AHCYL2: variants seen among roughly 807,000 people sequenced by gnomAD.
AHCYL2 encodes the protein adenosylhomocysteinase like 2.
AHCYL2 carries 28 observed loss-of-function variants against 81.4 expected under a neutral mutation model. The ratio of observed to expected loss-of-function variants is 0.34; its 90% confidence interval spans 0.25 to 0.47. The LOEUF is 0.47. Ranked by LOEUF, AHCYL2 falls within the 20% of genes least tolerant of loss-of-function variation. AHCYL2 has a pLI of 1.00. For missense variants in AHCYL2, 551 were observed against 785.1 expected, an observed-to-expected ratio of 0.70 and a Z score of 3.56; for synonymous variants, 272 against 290.2, an observed-to-expected ratio of 0.94 and a Z score of 0.64.
At chr7:129,324,020 G>A (rs538094939) in intron 1 of AHCYL2, among the ~76,000 whole-genome samples, 7 of 151,476 alleles carry the variant, frequency 4.6e-5, no homozygotes, top group South Asian at 2.1e-4. Context: ...ACAGGCACCC[G>A]CCATTGTGCC....
intron 1 of AHCYL2, among the ~76,000 whole-genome samples, chr7:129,261,279 A>G (rs1321090249): frequency 2.0e-5 from 3 of 152,206 alleles, no homozygotes; most frequent in African/African-American, 7.2e-5. Flanking sequence ...GGTTTAGATC[A>G]CCAGAAAATT....
At chr7:129,293,434 G>A (rs1010065442) in intron 1 of AHCYL2, among the ~76,000 whole-genome samples, 6 of 152,012 alleles carry the variant, frequency 3.9e-5, no homozygotes, top group Non-Finnish European at 8.8e-5. Flanking sequence ...GGCTGGACGC[G>A]GGAGGCCAAG....
At chr7:129,405,513 A>G (rs552644613) in intron 8 of AHCYL2, 45 of 323,842 alleles carry the variant, frequency 1.4e-4, no homozygotes, top group East Asian at 2.5e-4. Context: ...AAGAAAGGGG[A>G]AAAAAAAAGG....
At chr7:129,289,988 G>T (rs1796778757) in intron 1 of AHCYL2, among the ~76,000 whole-genome samples, 1 of 151,746 alleles carries the variant, frequency 6.6e-6, no homozygotes, top group Non-Finnish European at 1.5e-5. Context: ...CTCCATGTTG[G>T]TCAGGCTGGT....
intron 1 of AHCYL2, among the ~76,000 whole-genome samples, chr7:129,308,672 T>A (rs1209878291): frequency 6.6e-6 from 1 of 152,218 alleles, no homozygotes; most frequent in Non-Finnish European, 1.5e-5. Context: ...AGGAGAAGAT[T>A]CTTTATGTTC....
chr7:129,307,788 A>C (rs754927628), intron 1 of AHCYL2, among the ~76,000 whole-genome samples: 4 of 150,878 alleles, frequency 2.7e-5, no homozygotes, highest in South Asian at 2.1e-4. Flanking sequence ...GCCGCTGCTG[A>C]TTATTTAGAG....
intron 12 of AHCYL2, among the ~76,000 whole-genome samples, chr7:129,421,542 T>C (rs2150965689): frequency 6.6e-6 from 1 of 152,324 alleles, no homozygotes; most frequent in South Asian, 2.1e-4. Flanking sequence ...TAGGTACATA[T>C]AAAATTTTGC....
At chr7:129,399,284 T>G (rs1197624079) in intron 5 of AHCYL2, among the ~76,000 whole-genome samples, 1 of 150,784 alleles carries the variant, frequency 6.6e-6, no homozygotes, top group Non-Finnish European at 1.5e-5. Flanking sequence ...CCGTCTTTAC[T>G]AAAAGTACAA....
intron 1 of AHCYL2, among the ~76,000 whole-genome samples, chr7:129,340,012 G>A (rs1216362759): frequency 1.5e-5 from 2 of 135,278 alleles, no homozygotes; most frequent in African/African-American, 2.7e-5. Flanking sequence ...TCCGCCTCCC[G>A]GGTTCACGCC....
intron 1 of AHCYL2, among the ~76,000 whole-genome samples, chr7:129,284,805 T>A (rs1488410063): frequency 9.2e-5 from 14 of 151,872 alleles, no homozygotes; most frequent in South Asian, 4.2e-4. Flanking sequence ...AACTAAAAAA[T>A]TTTTTTTTCA....
Position 129,406,522 on chromosome 7 carries a change from G to A in AHCYL2, c.1295+56G>A, listed in dbSNP as rs1001418647. 1.9e-6 allele frequency: 3 copies of A among 1,541,314 alleles called. No homozygotes were observed. The highest frequency in any genetic ancestry group is 3.3e-5 in the Admixed American group (2 of 59,910). ...ATCTCGGAGCTGTCTCCAAAGAATG[G>A]CCTGGTTGATGCCACACTTTATTTT... is the stretch of plus-strand genomic sequence containing the variant. On this transcript the variant is annotated intron_variant, in intron 10 of 16. Coordinates refer to ENST00000325006, the MANE Select transcript of AHCYL2 (RefSeq NM_015328.4). The surrounding 1 kb of genome is among the most constrained non-coding windows in gnomAD (Gnocchi z 4.3).
intron 1 of AHCYL2, among the ~76,000 whole-genome samples, chr7:129,244,124 C>T (rs945736532): frequency 1.3e-5 from 2 of 151,392 alleles, no homozygotes; most frequent in Admixed American, 1.3e-4. Flanking sequence ...TCAGCCTTCC[C>T]TGTAGCTGGG....
At chr7:129,277,966 A>G (rs374254981) in intron 1 of AHCYL2, among the ~76,000 whole-genome samples, 2 of 152,204 alleles carry the variant, frequency 1.3e-5, no homozygotes, top group African/African-American at 4.8e-5. Flanking sequence ...GTTGGATTAT[A>G]TAAGTGTACG....
At chr7:129,347,645 G>GT (rs1242849830) in intron 1 of AHCYL2, among the ~76,000 whole-genome samples, 2 of 151,758 alleles carry the variant, frequency 1.3e-5, no homozygotes, top group African/African-American at 4.8e-5. Context: ...TGTTTTTTTG[G>GT]TTTTTTTCTT....
At chr7:129,355,257 C>G (rs1016144608) in intron 1 of AHCYL2, among the ~76,000 whole-genome samples, 4 of 151,352 alleles carry the variant, frequency 2.6e-5, no homozygotes, top group Non-Finnish European at 5.9e-5. Flanking sequence ...TAAAATTGTC[C>G]CCAGGTGTCA....
At chr7:129,303,470 G>A (rs1797320591) in intron 1 of AHCYL2, among the ~76,000 whole-genome samples, 1 of 152,056 alleles carries the variant, frequency 6.6e-6, no homozygotes, top group Non-Finnish European at 1.5e-5. Flanking sequence ...AGCCTCAAAT[G>A]GTCCTTTGAG....
chr7:129,421,117 T>C (rs1177251959), intron 12 of AHCYL2, among the ~76,000 whole-genome samples: 1 of 152,116 alleles, frequency 6.6e-6, no homozygotes, highest in Non-Finnish European at 1.5e-5. Flanking sequence ...CTGGGCATGA[T>C]GGCAGGTGCC....
chr7:129,290,658 T>C (rs1016661352), intron 1 of AHCYL2, among the ~76,000 whole-genome samples: 2 of 150,764 alleles, frequency 1.3e-5, no homozygotes, highest in African/African-American at 4.9e-5. Context: ...TGGCCGGGCG[T>C]GGTGGCTCAC....
intron 1 of AHCYL2, among the ~76,000 whole-genome samples, chr7:129,307,422 G>C (rs971308406): frequency 2.6e-5 from 4 of 151,710 alleles, no homozygotes; most frequent in African/African-American, 9.7e-5. Flanking sequence ...GGGCACCACT[G>C]ATGTTCACTT....
Sources: allele counts gnomAD v4.1 joint callset (sites outside exome capture counted in the v4.1 genomes callset), GRCh38; gene constraint gnomAD v4.1.1; non-coding constraint Gnocchi (gnomAD v3.1); transcripts MANE v1.5; gene names NCBI Gene and HGNC (gene_info 2026-07-23, HGNC 2026-07-21).